The following SNX18 variants were observed in gnomAD, a reference collection of about 807,000 sequenced individuals.
SNX18 encodes the protein sorting nexin 18.
Under a neutral mutation model 48.7 loss-of-function variants are expected in SNX18, and 35 were observed. The ratio of observed to expected loss-of-function variants is 0.72; its 90% CI spans 0.55 to 0.95. SNX18 has a LOEUF of 0.95. SNX18 is among the 40% of genes least tolerant of loss of function. SNX18 has a pLI of 0.00. For synonymous variants in SNX18, 492 were observed against 384.7 expected (o/e 1.28, Z -3.26); for missense variants, 824 against 871.0 (o/e 0.95, Z 0.68).
At chr5:54,527,041 G>A (rs918400197) in intron 1 of SNX18, among the ~76,000 whole-genome samples, 4 of 152,050 alleles carry the variant, frequency 2.6e-5, no homozygotes, top group Non-Finnish European at 5.9e-5. Context: ...GGAACAGCAA[G>A]GCCAGGTGGT....
chr5:54,591,354 A>G, the SNX18 span, among the ~76,000 whole-genome samples: 2 of 151,960 alleles, frequency 1.3e-5, no homozygotes, highest in Non-Finnish European at 2.9e-5. Flanking sequence ...TAATTTTTAA[A>G]TTGTATTATT....
chr5:54,611,416 G>T, the SNX18 span, among the ~76,000 whole-genome samples: 5 of 151,970 alleles, frequency 3.3e-5, no homozygotes, highest in East Asian at 7.7e-4. Flanking sequence ...AATCCCTTGG[G>T]CCTTTGTTTC....
the SNX18 span, among the ~76,000 whole-genome samples, chr5:54,582,265 A>G: frequency 1.3e-5 from 2 of 152,172 alleles, no homozygotes; most frequent in African/African-American, 2.4e-5. Flanking sequence ...TTCCTCTATT[A>G]TATTTCTTGA....
At chr5:54,633,089 A>G in the SNX18 span, among the ~76,000 whole-genome samples, 1 of 151,996 alleles carries the variant, frequency 6.6e-6, no homozygotes, top group African/African-American at 2.4e-5. Context: ...TATCTCTCTG[A>G]TATCAGAATC....
the SNX18 span, among the ~76,000 whole-genome samples, chr5:54,559,694 A>G: frequency 6.6e-6 from 1 of 152,232 alleles, no homozygotes; most frequent in Non-Finnish European, 1.5e-5. Context: ...CAATTGCAAG[A>G]GAAGCAAAAA....
the SNX18 span, among the ~76,000 whole-genome samples, chr5:54,615,908 G>A: frequency 6.6e-6 from 1 of 152,184 alleles, no homozygotes; most frequent in South Asian, 2.1e-4. Context: ...ATAAAGATAA[G>A]TAGACTAGTT....
At chr5:54,599,615 A>G in the SNX18 span, among the ~76,000 whole-genome samples, 1 of 152,212 alleles carries the variant, frequency 6.6e-6, no homozygotes, top group Non-Finnish European at 1.5e-5. Context: ...CCAAAACAGC[A>G]TGGTACTGGT....
At chr5:54,548,429 A>G (rs183593101), downstream of SNX18, among the ~76,000 whole-genome samples, 17 of 152,320 alleles carry the variant, frequency 1.1e-4, no homozygotes, top group East Asian at 3.3e-3. Context: ...CTCAGGATGG[A>G]ATTGCTGAGT....
At chr5:54,578,849 C>G in the SNX18 span, among the ~76,000 whole-genome samples, 9 of 152,312 alleles carry the variant, frequency 5.9e-5, no homozygotes, top group African/African-American at 1.7e-4. Context: ...ACACTGGACT[C>G]AATCCTAGGT....
At chr5:54,562,858 G>A in the SNX18 span, among the ~76,000 whole-genome samples, 44 of 152,200 alleles carry the variant, frequency 2.9e-4, 1 homozygote, top group Non-Finnish European at 4.1e-4. Flanking sequence ...CATGCGTGTC[G>A]TTGTCCCTGA....
At chr5:54,576,224 C>T in the SNX18 span, among the ~76,000 whole-genome samples, 1 of 152,272 alleles carries the variant, frequency 6.6e-6, no homozygotes, top group East Asian at 1.9e-4. Context: ...ACAAGCCATC[C>T]CTGGAGCCGT....
the SNX18 span, among the ~76,000 whole-genome samples, chr5:54,609,689 T>C: frequency 6.6e-6 from 1 of 152,036 alleles, no homozygotes; most frequent in East Asian, 1.9e-4. Context: ...CTCCTTGAAA[T>C]TGAAAAGAAA....
chr5:54,535,291 T>C (rs1005758959), intron 1 of SNX18, among the ~76,000 whole-genome samples: 2 of 152,160 alleles, frequency 1.3e-5, no homozygotes, highest in African/African-American at 4.8e-5. Context: ...TTTAGGACAT[T>C]CGATTTCTCT....
At chr5:54,586,445 G>A in the SNX18 span, among the ~76,000 whole-genome samples, 2 of 151,040 alleles carry the variant, frequency 1.3e-5, no homozygotes, top group African/African-American at 2.4e-5. Context: ...AATTTAAAAA[G>A]AAAAAAAAAT....
the SNX18 span, among the ~76,000 whole-genome samples, chr5:54,572,275 G>A: frequency 2.0e-5 from 3 of 152,064 alleles, no homozygotes; most frequent in Non-Finnish European, 2.9e-5. Context: ...TAGACTTGAC[G>A]TCTGGAGCTA....
downstream of SNX18, among the ~76,000 whole-genome samples, chr5:54,547,958 T>C (rs1429078652): frequency 6.6e-6 from 1 of 152,148 alleles, no homozygotes; most frequent in Non-Finnish European, 1.5e-5. Flanking sequence ...TGGGGTAGAC[T>C]TCTAGGCAGC....
the SNX18 span, among the ~76,000 whole-genome samples, chr5:54,647,018 A>T: frequency 6.6e-6 from 1 of 152,194 alleles, no homozygotes; most frequent in African/African-American, 2.4e-5. Context: ...GCAATTCGTC[A>T]TCGGCTGGAG....
the SNX18 span, among the ~76,000 whole-genome samples, chr5:54,633,272 A>C: frequency 2.0e-5 from 3 of 152,140 alleles, no homozygotes; most frequent in African/African-American, 7.2e-5. Flanking sequence ...GAAAGAGCAA[A>C]GGACTGAGAA....
At chr5:54,602,192 G>T in the SNX18 span, among the ~76,000 whole-genome samples, 1 of 152,182 alleles carries the variant, frequency 6.6e-6, no homozygotes, top group Non-Finnish European at 1.5e-5. Context: ...TGGAATTGGA[G>T]GGGTGATTGA....
Sources: allele counts gnomAD v4.1 joint callset (sites outside exome capture counted in the v4.1 genomes callset), GRCh38; gene constraint gnomAD v4.1.1; transcripts MANE v1.5; gene names NCBI Gene and HGNC (gene_info 2026-07-23, HGNC 2026-07-21).